Variants in ERG observed in about 807,000 individuals in gnomAD.
ERG encodes the protein transcriptional regulator ERG.
ERG carries 9 observed loss-of-function variants against 55.3 expected under a neutral mutation model. The observed-to-expected ratio is 0.16, with a 90% CI of 0.10 to 0.28. ERG has a LOEUF of 0.28. ERG is among the 10% of genes least tolerant of loss of function. ERG has a pLI of 1.00. For missense variants in ERG, 434 were observed against 631.6 expected (o/e 0.69, Z 3.35); for synonymous variants, 223 against 237.3 (o/e 0.94, Z 0.55).
At chr21:38,539,356 G>A (rs1271344611) in intron 2 of ERG, among the ~76,000 whole-genome samples, 1 of 152,142 alleles carries the variant, frequency 6.6e-6, no homozygotes, top group Non-Finnish European at 1.5e-5. Context: ...TATCTCATTA[G>A]TCATTTTTAT....
intron 3 of ERG, among the ~76,000 whole-genome samples, chr21:38,421,786 G>T (rs765222472): frequency 6.6e-6 from 1 of 152,204 alleles, no homozygotes; most frequent in Non-Finnish European, 1.5e-5. Flanking sequence ...ACTGGCCCTG[G>T]AGATAGGGCC....
chr21:38,400,956 A>C (rs545477005), intron 5 of ERG, among the ~76,000 whole-genome samples: 25 of 152,376 alleles, frequency 1.6e-4, no homozygotes, highest in African/African-American at 6.0e-4. Context: ...ATCTCGTTTT[A>C]TTAAAAAATT....
chr21:38,598,000 G>A (rs1411129382), intron 1 of ERG, among the ~76,000 whole-genome samples: 1 of 152,216 alleles, frequency 6.6e-6, no homozygotes, highest in African/African-American at 2.4e-5. Context: ...AGCATTAGGT[G>A]CTCAGGTTGT....
intron 6 of ERG, among the ~76,000 whole-genome samples, chr21:38,396,261 A>G (rs1988206185): frequency 6.6e-6 from 1 of 152,252 alleles, no homozygotes; most frequent in Admixed American, 6.5e-5. Flanking sequence ...AAGTTTGAGC[A>G]TGGAGTTTTG....
intron 1 of ERG, among the ~76,000 whole-genome samples, chr21:38,648,926 G>T (rs1408480425): frequency 1.3e-5 from 2 of 152,168 alleles, no homozygotes; most frequent in Admixed American, 6.5e-5. Context: ...GGAAGGACGT[G>T]CCCAGGAGGA....
chr21:38,476,488 T>C (rs1182298298), intron 1 of ERG, among the ~76,000 whole-genome samples: 1 of 152,130 alleles, frequency 6.6e-6, no homozygotes, highest in Non-Finnish European at 1.5e-5. Flanking sequence ...CCCAGAGTAA[T>C]CCACCCTCCT....
intron 1 of ERG, among the ~76,000 whole-genome samples, chr21:38,453,912 C>T (rs1282924248): frequency 7.0e-6 from 1 of 143,086 alleles, no homozygotes; most frequent in Non-Finnish European, 1.5e-5. Context: ...GAAGAAGAAT[C>T]ACTTTTTCTT....
rs112822692 is a variant in ERG, at chr21:38,466,536, T to C, written c.19-20915A>G. Among the ~76,000 whole-genome samples the C allele has an allele frequency of 2.8e-3, 419 of 152,244 alleles. 2 individuals are homozygous for C. The highest frequency in any genetic ancestry group is 4.5e-3 in the Non-Finnish European group (307 of 68,012). Reference sequence around the variant, plus strand: ...ACTAAGATGGCCTCTCGTGGGCTCATGATCCTGGAAGATATACTCCCAAAG... The same window carrying C: ...ACTAAGATGGCCTCTCGTGGGCTCACGATCCTGGAAGATATACTCCCAAAG... On this transcript the variant is annotated intron_variant, in intron 1 of 9. Coordinates refer to ENST00000288319, the MANE Select transcript of ERG (RefSeq NM_182918.4).
At chr21:38,621,489 T>C (rs2060290041) in intron 1 of ERG, among the ~76,000 whole-genome samples, 1 of 152,154 alleles carries the variant, frequency 6.6e-6, no homozygotes, top group Non-Finnish European at 1.5e-5. Flanking sequence ...AGAGAGCTGC[T>C]GTCCCTTCAA....
chr21:38,518,322 T>TA (rs202229875), intron 2 of ERG, among the ~76,000 whole-genome samples: 5,028 of 151,348 alleles, frequency 0.033, 171 homozygotes, highest in Middle Eastern at 0.11. Context: ...AGGCAAATCT[T>TA]AAAAAAAAGA....
At chr21:38,530,226 A>G (rs2059662455) in intron 2 of ERG, among the ~76,000 whole-genome samples, 1 of 151,686 alleles carries the variant, frequency 6.6e-6, no homozygotes, top group Non-Finnish European at 1.5e-5. Context: ...TGCCCAGCTA[A>G]TTTTTGCATT....
intron 2 of ERG, among the ~76,000 whole-genome samples, chr21:38,539,425 T>C (rs2059735244): frequency 6.6e-6 from 1 of 152,220 alleles, no homozygotes; most frequent in South Asian, 2.1e-4. Flanking sequence ...AGATATATCC[T>C]GGGAGATTGT....
At chr21:38,447,047 T>G (rs907112638) in intron 1 of ERG, among the ~76,000 whole-genome samples, 1 of 152,068 alleles carries the variant, frequency 6.6e-6, no homozygotes, top group African/African-American at 2.4e-5. Flanking sequence ...CCTTCTGAGA[T>G]GGAGAGCTTC....
chr21:38,587,485 A>G (rs1377189126), upstream of ERG, among the ~76,000 whole-genome samples: 1 of 151,684 alleles, frequency 6.6e-6, no homozygotes, highest in East Asian at 1.9e-4. Flanking sequence ...CAGCCTCCCG[A>G]GTAGCTGGGA....
chr21:38,574,203 C>T (rs1296642835), intron 2 of ERG, among the ~76,000 whole-genome samples: 2 of 152,200 alleles, frequency 1.3e-5, no homozygotes, highest in African/African-American at 4.8e-5. Context: ...GGTCAGCAGA[C>T]ACTAAAAATT....
Position 38,392,368 on chromosome 21 carries a change from C to T in ERG, c.814+8G>A, listed in dbSNP as rs765052517. ...TGAAACTCAGGGTCATGGGAGCCAA[C>T]ACTGTACCTTTCGACTGGGGCGTGG... is the stretch of plus-strand genomic sequence containing the variant. On this transcript the variant is annotated splice_region_variant and intron_variant, in intron 7 of 9. Coordinates refer to ENST00000288319, the MANE Select transcript of ERG (RefSeq NM_182918.4). The T allele has an allele frequency of 6.4e-7, 1 of 1,561,736 alleles. No individual in the cohort carries two copies.
At chr21:38,503,072 A>G (rs73215938), upstream of ERG, among the ~76,000 whole-genome samples, 1 of 152,346 alleles carries the variant, frequency 6.6e-6, no homozygotes, top group Non-Finnish European at 1.5e-5. Context: ...TAAAAAGGCA[A>G]AGTAAAAATA....
At position 38,382,650 on chromosome 21, in the gene ERG, T is replaced by G; in HGVS notation, c.*753A>C. 9.4e-7 allele frequency: 1 copy of G among 1,067,044 alleles called. No homozygotes were observed. The highest frequency in any genetic ancestry group is 4.5e-5 in the South Asian group (1 of 21,990). The allele number at this position is 1,067,044 out of a possible 1,614,324, so 66.1% of individuals were successfully genotyped here. ...TCCAGTCTTCATTGCTTGAGAAGTT[T>G]CTTTCCCAGCCCTGGTCTCCTCCTT... On this transcript the variant is annotated 3_prime_UTR_variant, in exon 10 of 10. Transcript: ENST00000288319.
upstream of ERG, among the ~76,000 whole-genome samples, chr21:38,585,985 G>A (rs184410450): frequency 1.2e-4 from 18 of 151,862 alleles, no homozygotes; most frequent in Admixed American, 7.2e-4. Context: ...AAATAAAAGA[G>A]GGAAGGCAGG....
Sources: allele counts gnomAD v4.1 joint callset (sites outside exome capture counted in the v4.1 genomes callset), GRCh38; gene constraint gnomAD v4.1.1; transcripts MANE v1.5; gene names NCBI Gene and HGNC (gene_info 2026-07-23, HGNC 2026-07-21).